Variants in RUFY1 observed in about 807,000 individuals in gnomAD.
RUFY1 encodes RUN and FYVE domain-containing protein 1.
A neutral mutation model predicts 94.6 loss-of-function variants in RUFY1; 54 were observed. The observed-to-expected ratio is 0.57, with a 90% CI of 0.46 to 0.72. RUFY1 has a LOEUF of 0.72. Ranked by LOEUF, RUFY1 falls within the 30% of genes least tolerant of loss-of-function variation. The pLI, the probability that RUFY1 is intolerant of heterozygous loss-of-function variation, is 0.00. For missense variants in RUFY1, 883 were observed against 883.9 expected, an observed-to-expected ratio of 1.00 and a Z score of 0.01; for synonymous variants, 396 against 347.3, an observed-to-expected ratio of 1.14 and a Z score of -1.56.
chr5:179,596,835 G>A (rs1191345012), intron 13 of RUFY1, 154 bp downstream of exon 13: 16 of 1,037,246 alleles, frequency 1.5e-5, no homozygotes, highest in East Asian at 8.3e-5. Flanking sequence ...TGCAGGGTTC[G>A]TATGTTATCC....
In RUFY1 at chr5:179,591,674, G is replaced by A. The variant is rs764633949; in HGVS notation, c.1178G>A (p.Arg393Gln). 14 of 1,613,284 alleles carry A rather than the reference G, an allele frequency of 8.7e-6. No individual in the cohort carries two copies. In the Admixed American group the frequency reaches 1.7e-4, roughly 19 times the overall value. ...GAGCTGGAGACTTACAAGCAAACTC[G>A]GCAAGGTCTGGATGAAATGTACAGT... Reference protein sequence around the residue: ...KVELETYKQTRQGLDEMYSDV... With the variant: ...KVELETYKQTQQGLDEMYSDV... Residue 393 changes from arginine to glutamine, a missense_variant, in exon 10 of 18, where the codon CGG becomes CAG. By Grantham distance (43) the Arg-to-Gln change is conservative. Coordinates refer to ENST00000319449, the MANE Select transcript of RUFY1 (RefSeq NM_025158.5).
At chr5:179,595,295 C>T (rs1437567286) in intron 12 of RUFY1, among the ~76,000 whole-genome samples, 4 of 152,042 alleles carry the variant, frequency 2.6e-5, no homozygotes, top group East Asian at 3.9e-4. Context: ...CCGGCTAAAA[C>T]GGTGAAACCC....
intron 7 of RUFY1, among the ~76,000 whole-genome samples, chr5:179,583,637 C>T (rs1181749530): frequency 6.6e-6 from 1 of 151,102 alleles, no homozygotes; most frequent in Non-Finnish European, 1.5e-5. Flanking sequence ...AGGATGGTCT[C>T]GATCTCCTGA....
At chr5:179,550,992 C>A in intron 1 of RUFY1, 113 bp downstream of exon 1, 2 of 906,062 alleles carry the variant, frequency 2.2e-6, no homozygotes, top group Non-Finnish European at 2.7e-6. Context: ...GGAGGTTACG[C>A]GAGCTGTTGG....
chr5:179,603,346 C>G (rs1236155063), intron 15 of RUFY1, among the ~76,000 whole-genome samples: 1 of 152,108 alleles, frequency 6.6e-6, no homozygotes, highest in East Asian at 1.9e-4. Context: ...GATGCAGGTG[C>G]TGGCCACTCG....
At chr5:179,575,845 G>T (rs1490281705) in intron 5 of RUFY1, among the ~76,000 whole-genome samples, 1 of 152,082 alleles carries the variant, frequency 6.6e-6, no homozygotes, top group Admixed American at 6.6e-5. Context: ...GCAGTGGCAT[G>T]ATCTCAGCTC....
intron 7 of RUFY1, among the ~76,000 whole-genome samples, chr5:179,585,334 G>A (rs1393508995): frequency 6.6e-6 from 1 of 152,194 alleles, no homozygotes; most frequent in South Asian, 2.1e-4. Flanking sequence ...CCAGCACTTT[G>A]GAAGGCCAGG....
chr5:179,604,470 A>G (rs927282346), intron 15 of RUFY1, among the ~76,000 whole-genome samples: 15 of 152,096 alleles, frequency 9.9e-5, no homozygotes, highest in South Asian at 2.1e-4. Flanking sequence ...CATCCTGTCA[A>G]TCTGCTGGCC....
At chr5:179,575,268 G>T (rs1427449143) in intron 5 of RUFY1, among the ~76,000 whole-genome samples, 1 of 152,136 alleles carries the variant, frequency 6.6e-6, no homozygotes, top group South Asian at 2.1e-4. Context: ...TCAGCTAGTC[G>T]GTTCTTGTTC....
chr5:179,571,739 T>C (rs949865581), intron 5 of RUFY1, among the ~76,000 whole-genome samples: 4 of 152,202 alleles, frequency 2.6e-5, no homozygotes, highest in African/African-American at 9.6e-5. Flanking sequence ...TCAGTCTTTT[T>C]CAGCCTCATG....
intron 10 of RUFY1, among the ~76,000 whole-genome samples, chr5:179,592,093 C>T (rs779070656): frequency 7.2e-5 from 11 of 151,788 alleles, no homozygotes; most frequent in Non-Finnish European, 1.5e-4. Flanking sequence ...TGCAGGCACC[C>T]GCCACCACAC....
intron 1 of RUFY1, among the ~76,000 whole-genome samples, chr5:179,552,678 G>A (rs745620492): frequency 7.9e-5 from 12 of 152,140 alleles, no homozygotes; most frequent in Non-Finnish European, 1.3e-4. Flanking sequence ...TAGATATTTC[G>A]TGGCAGGAGT....
At chr5:179,569,527 A>AG in intron 5 of RUFY1, 102 bp downstream of exon 5, 1 of 1,195,416 alleles carries the variant, frequency 8.4e-7, no homozygotes, top group Non-Finnish European at 1.2e-6. Flanking sequence ...CAAATGGCAA[A>AG]GAGCCCACTG....
intron 5 of RUFY1, chr5:179,572,612 G>C (rs1763310038): frequency 4.6e-6 from 1 of 218,100 alleles, no homozygotes; most frequent in Non-Finnish European, 9.7e-6. Flanking sequence ...CATGGATGAG[G>C]CTCTGCAGCT....
intron 6 of RUFY1, among the ~76,000 whole-genome samples, chr5:179,580,246 T>TATATATATATATATA (rs1554118967): frequency 4.4e-4 from 46 of 104,198 alleles, no homozygotes; most frequent in Admixed American, 8.9e-4. Flanking sequence ...TGTGTGTATA[T>TATATATATATATATA]TTTTTTTTTT....
At chr5:179,570,236 T>C (rs958115589) in intron 5 of RUFY1, among the ~76,000 whole-genome samples, 1 of 152,150 alleles carries the variant, frequency 6.6e-6, no homozygotes, top group African/African-American at 2.4e-5. Flanking sequence ...TTGGAGGTTT[T>C]TAAAAAGTAC....
In RUFY1 at chr5:179,596,328, A is replaced by C; in HGVS notation, c.1512-234A>C. The C allele has an allele frequency of 6.5e-6, 4 of 611,798 alleles. No homozygotes were observed. The South Asian group carries it at 7.4e-5, about 11-fold the overall frequency. 37.9% of individuals were successfully genotyped at this position (611,798 alleles called of 1,614,324 possible). On this transcript the variant is annotated intron_variant, in intron 12 of 17. Coordinates refer to ENST00000319449, the MANE Select transcript of RUFY1 (RefSeq NM_025158.5). Reference sequence around the variant, plus strand: ...TTGAGATTACATTCTCAAAAAGCCAAAGCCATATTGTTGCAGGACAGATGA... The same window carrying C: ...TTGAGATTACATTCTCAAAAAGCCACAGCCATATTGTTGCAGGACAGATGA...
chr5:179,602,287 TGA>T, intron 15 of RUFY1: 1 of 330,148 alleles, frequency 3.0e-6, no homozygotes, highest in Non-Finnish European at 5.7e-6. Flanking sequence ...AGATGGGCAA[TGA>T]GAGGATCGCT....
intron 3 of RUFY1, among the ~76,000 whole-genome samples, chr5:179,564,325 G>T (rs1471179776): frequency 1.3e-5 from 2 of 151,364 alleles, no homozygotes; most frequent in African/African-American, 4.9e-5. Flanking sequence ...TCACCACATT[G>T]GCCAGGCTGG....
Sources: gnomAD v4.1 joint callset for allele counts (sites outside exome capture counted in the v4.1 genomes callset) on GRCh38, gnomAD v4.1.1 for gene constraint, MANE v1.5 for transcripts, NCBI Gene and HGNC (gene_info 2026-07-23, HGNC 2026-07-21) for gene names.